Variants in SLC4A7 observed in about 807,000 individuals in gnomAD.
The protein encoded by SLC4A7 is sodium bicarbonate cotransporter 3.
SLC4A7 carries 51 observed loss-of-function variants against 137.6 expected under a neutral mutation model. That is an observed-to-expected ratio of 0.37 (90% CI 0.30 to 0.47). SLC4A7 has a LOEUF of 0.47. SLC4A7 is among the 20% of genes least tolerant of loss of function. The pLI, the probability that SLC4A7 is intolerant of heterozygous loss-of-function variation, is 1.00. For synonymous variants in SLC4A7, 542 were observed against 518.6 expected, an observed-to-expected ratio of 1.05 and a Z score of -0.61; for missense variants, 1,247 against 1,525.4, an observed-to-expected ratio of 0.82 and a Z score of 3.04.
At chr3:27,435,746 G>A (rs1576446152) in intron 5 of SLC4A7, among the ~76,000 whole-genome samples, 3 of 152,274 alleles carry the variant, frequency 2.0e-5, no homozygotes, top group East Asian at 3.9e-4. Flanking sequence ...GTAGGTTGAG[G>A]TGGGAGATCA....
intron 22 of SLC4A7, among the ~76,000 whole-genome samples, chr3:27,387,912 C>T (rs2051138215): frequency 6.6e-6 from 1 of 152,166 alleles, no homozygotes; most frequent in South Asian, 2.1e-4. Flanking sequence ...GTTTGTGGTA[C>T]TTTGTTACAG....
chr3:27,452,212 G>A (rs1042391581), intron 2 of SLC4A7, among the ~76,000 whole-genome samples: 5 of 151,968 alleles, frequency 3.3e-5, no homozygotes, highest in Non-Finnish European at 5.9e-5. Context: ...GGTAATTAAT[G>A]GTAACCATCA....
chr3:27,452,349 G>C (rs2058129825), intron 2 of SLC4A7, 68 bp downstream of exon 2: 2 of 1,033,572 alleles, frequency 1.9e-6, no homozygotes, highest in South Asian at 1.5e-5. Context: ...AAACTTAAAA[G>C]GATACTTAAA....
rs1464238013 is a variant in SLC4A7 at position 27,446,890 on chromosome 3, TTTTG to T, written c.289+1757_289+1760del. On this transcript the variant is annotated intron_variant, in intron 3 of 25. Coordinates refer to ENST00000454389, the MANE Select transcript of SLC4A7 (RefSeq NM_001321103.2). Reference sequence around the variant, plus strand: ...GTTTTTTTTTGTTTTTTTTTGTTTTTTTTGTTTTTTTTAAACAGAGTCTCGCTCT... The same window carrying T: ...GTTTTTTTTTGTTTTTTTTTGTTTTTTTTTTTTTAAACAGAGTCTCGCTCT... Among the ~76,000 whole-genome samples, 257 of 60,268 alleles carry T rather than the reference TTTTG, an allele frequency of 4.3e-3. 9 individuals are homozygous for T. The highest frequency in any genetic ancestry group is 0.012 in the African/African-American group (196 of 16,696). The allele number at this position is 60,268 out of a possible 152,430, so 39.5% of individuals were successfully genotyped here.
chr3:27,471,286 A>G (rs1053029321), intron 1 of SLC4A7, among the ~76,000 whole-genome samples: 1 of 152,358 alleles, frequency 6.6e-6, no homozygotes, highest in Admixed American at 6.5e-5. Context: ...AGATTCAGGA[A>G]ATGAATATTT....
At chr3:27,391,844 T>G in intron 20 of SLC4A7, 36 bp from the exon 21 acceptor site, 2 of 1,239,170 alleles carry the variant, frequency 1.6e-6, no homozygotes, top group Non-Finnish European at 2.3e-6. Flanking sequence ...AACTCATGAG[T>G]AGTAAGTAAA....
chr3:27,457,648 A>G (rs546268764), intron 1 of SLC4A7, among the ~76,000 whole-genome samples: 37 of 152,294 alleles, frequency 2.4e-4, no homozygotes, highest in African/African-American at 8.4e-4. Context: ...CCATTTGTCT[A>G]CTATGCACTT....
At chr3:27,472,288 T>C (rs1037917067) in intron 1 of SLC4A7, among the ~76,000 whole-genome samples, 5 of 152,170 alleles carry the variant, frequency 3.3e-5, no homozygotes, top group African/African-American at 1.2e-4. Flanking sequence ...TTTTAAAATG[T>C]CTTTTTAAAT....
rs373857237 is a variant in SLC4A7 at position 27,456,841 on chromosome 3, T to TTACCTAATCTTCCAAGC, written c.61-4360_61-4344dup. On this transcript the variant is annotated intron_variant, in intron 1 of 25. Coordinates refer to ENST00000454389, the MANE Select transcript of SLC4A7 (RefSeq NM_001321103.2). ...GTACAGCCAATCACTGTGTTCTAAG[T>TTACCTAATCTTCCAAGC]TACCTAATCTTCCAAGCTAATAACT... The TTACCTAATCTTCCAAGC allele has an allele frequency of 6.3e-5, 87 of 1,388,736 alleles. No individual in the cohort carries two copies. The East Asian group carries it at 2.3e-3, about 37-fold the overall frequency. 86.0% of individuals were successfully genotyped at this position (1,388,736 alleles called of 1,614,324 possible).
chr3:27,388,609 GAGGTCAGCA>G (rs2051214671), intron 22 of SLC4A7, among the ~76,000 whole-genome samples: 1 of 152,098 alleles, frequency 6.6e-6, no homozygotes, highest in East Asian at 1.9e-4. Flanking sequence ...TTCCAGGTCA[GAGGTCAGCA>G]AACCATAGCA....
intron 20 of SLC4A7, among the ~76,000 whole-genome samples, chr3:27,394,272 G>A (rs1376460844): frequency 6.6e-6 from 1 of 152,028 alleles, no homozygotes; most frequent in Non-Finnish European, 1.5e-5. Context: ...TCCTTCCTTG[G>A]CCTCCCAAAT....
At chr3:27,415,937 G>C (rs1276642335) in intron 11 of SLC4A7, among the ~76,000 whole-genome samples, 1 of 152,128 alleles carries the variant, frequency 6.6e-6, no homozygotes, top group African/African-American at 2.4e-5. Context: ...TGATCCTTAC[G>C]CTGGATTCAT....
chr3:27,389,100 T>A (rs56380682), intron 22 of SLC4A7, among the ~76,000 whole-genome samples: 4,697 of 151,854 alleles, frequency 0.031, 252 homozygotes, highest in African/African-American at 0.11. Flanking sequence ...TTGATTTTTT[T>A]AAAAAAAACA....
intron 22 of SLC4A7, among the ~76,000 whole-genome samples, chr3:27,386,500 T>C (rs1027625089): frequency 1.3e-5 from 2 of 152,138 alleles, no homozygotes; most frequent in Non-Finnish European, 2.9e-5. Context: ...GATGAGCATG[T>C]TTTTGAATGC....
intron 20 of SLC4A7, among the ~76,000 whole-genome samples, chr3:27,393,466 T>C (rs528677402): frequency 2.0e-5 from 3 of 152,232 alleles, no homozygotes; most frequent in African/African-American, 7.2e-5. Flanking sequence ...GTACCATGTG[T>C]AAAAAGAATT....
chr3:27,386,027 TA>T lies in SLC4A7; in HGVS notation c.3361-5del. 1 of 1,591,930 alleles carries T rather than the reference TA, an allele frequency of 6.3e-7. No individual in the cohort carries two copies. The highest frequency in any genetic ancestry group is 1.2e-5 in the South Asian group (1 of 85,820). ...GCACAAACACTAATGCAAGAACCTT[TA>T]AAAAGTGGGGAAGGAAATATTAAGT... On this transcript the variant is annotated splice_region_variant and splice_polypyrimidine_tract_variant and intron_variant, in intron 22 of 25. Coordinates refer to ENST00000454389, the MANE Select transcript of SLC4A7 (RefSeq NM_001321103.2).
intron 1 of SLC4A7, chr3:27,457,006 C>T (rs2058450071): frequency 2.4e-6 from 2 of 817,304 alleles, no homozygotes; most frequent in Non-Finnish European, 3.0e-6. Context: ...AGTGCATACT[C>T]TAAGAATATA....
intron 4 of SLC4A7, 90 bp from the exon 5 acceptor site, chr3:27,436,638 G>GAA (rs71087606): frequency 4.0e-4 from 238 of 593,002 alleles, no homozygotes; most frequent in South Asian, 6.3e-4. Context: ...GTTCTTTAAA[G>GAA]AAAAAAAAAA....
rs1240746038 is a variant in SLC4A7 at position 27,386,033 on chromosome 3, G to C, written c.3361-10C>G. The C allele has an allele frequency of 2.5e-6, 4 of 1,585,812 alleles. No individual in the cohort carries two copies. ...ACACTAATGCAAGAACCTTTAAAAA[G>C]TGGGGAAGGAAATATTAAGTAACAC... On this transcript the variant is annotated splice_polypyrimidine_tract_variant and intron_variant, in intron 22 of 25. Transcript: ENST00000454389.
Sources: gnomAD v4.1 joint callset for allele counts (sites outside exome capture counted in the v4.1 genomes callset) on GRCh38, gnomAD v4.1.1 for gene constraint, MANE v1.5 for transcripts, NCBI Gene and HGNC (gene_info 2026-07-23, HGNC 2026-07-21) for gene names.